Variants in PLEKHA2 observed in about 807,000 individuals in gnomAD.
The protein encoded by PLEKHA2 is pleckstrin homology domain containing A2, also known as pleckstrin homology domain-containing family A member 2.
A neutral mutation model predicts 53.2 loss-of-function variants in PLEKHA2; 28 were observed. The observed-to-expected ratio is 0.53, with a 90% confidence interval of 0.39 to 0.72. The LOEUF (loss-of-function observed/expected upper bound fraction) is 0.72. PLEKHA2 is among the 30% of genes least tolerant of loss of function. PLEKHA2 has a pLI of 0.00. For missense variants in PLEKHA2, 426 were observed against 537.9 expected, an observed-to-expected ratio of 0.79 and a Z score of 2.06; for synonymous variants, 193 against 196.4, an observed-to-expected ratio of 0.98 and a Z score of 0.14.
At chr8:38,947,884 C>T (rs910334413) in intron 5 of PLEKHA2, among the ~76,000 whole-genome samples, 3 of 151,822 alleles carry the variant, frequency 2.0e-5, no homozygotes, top group Non-Finnish European at 2.9e-5. Context: ...GTCAGGAGTT[C>T]GAGACCAGCC....
chr8:38,940,723 C>T (rs1426861842), intron 3 of PLEKHA2, among the ~76,000 whole-genome samples: 2 of 151,164 alleles, frequency 1.3e-5, no homozygotes, highest in East Asian at 1.9e-4. Context: ...GAGCCACCAG[C>T]GTCCTCTTAC....
chr8:38,906,657 CAGTTTCAAA>C (rs1407611880), intron 1 of PLEKHA2, among the ~76,000 whole-genome samples: 2 of 152,226 alleles, frequency 1.3e-5, no homozygotes, highest in African/African-American at 4.8e-5. Flanking sequence ...GCTATCATGA[CAGTTTCAAA>C]ATGCGGCCAT....
At chr8:38,953,191 C>A in intron 8 of PLEKHA2, 106 bp from the exon 9 acceptor site, 2 of 926,022 alleles carry the variant, frequency 2.2e-6, no homozygotes, top group Non-Finnish European at 3.5e-6. Context: ...ATTTGTCAAC[C>A]TGATTTTAGC....
At chr8:38,950,460 C>G (rs900467759) in intron 5 of PLEKHA2, 1 of 166,400 alleles carries the variant, frequency 6.0e-6, no homozygotes, top group African/African-American at 2.4e-5. Context: ...TCTTGATCTT[C>G]TTTGTGCCAC....
At chr8:38,946,302 CTG>C (rs1834713829) in intron 5 of PLEKHA2, 81 bp downstream of exon 5, 3 of 1,241,994 alleles carry the variant, frequency 2.4e-6, no homozygotes, top group Non-Finnish European at 3.5e-6. Context: ...TTGGGGAAAA[CTG>C]AGATGGCAGC....
intron 3 of PLEKHA2, among the ~76,000 whole-genome samples, chr8:38,936,625 C>A (rs1834499464): frequency 6.6e-6 from 1 of 152,236 alleles, no homozygotes; most frequent in Admixed American, 6.5e-5. Context: ...CCACCCCCGT[C>A]CCATTTGTAC....
chr8:38,905,246 C>G (rs1182143838), intron 1 of PLEKHA2, among the ~76,000 whole-genome samples: 1 of 152,012 alleles, frequency 6.6e-6, no homozygotes, highest in Non-Finnish European at 1.5e-5. Context: ...TCACTTGAGG[C>G]TAAGAGTTTA....
chr8:38,936,804 G>A (rs1051241477), intron 3 of PLEKHA2, among the ~76,000 whole-genome samples: 1 of 152,232 alleles, frequency 6.6e-6, no homozygotes, highest in Admixed American at 6.5e-5. Context: ...GAGATTTAGA[G>A]CCTCCCCAGG....
At chr8:38,904,160 C>T (rs1054192295) in intron 1 of PLEKHA2, among the ~76,000 whole-genome samples, 5 of 152,106 alleles carry the variant, frequency 3.3e-5, no homozygotes, top group Non-Finnish European at 7.4e-5. Context: ...TAGAGGAGGC[C>T]GGGGGTTGGT....
chr8:38,969,667 G>A lies in PLEKHA2; in HGVS notation c.1162G>A (p.Ala388Thr), dbSNP rs1430973973. The A allele has an allele frequency of 1.1e-5, 17 of 1,588,590 alleles. No individual in the cohort carries two copies. Among genetic ancestry groups the A allele is most frequent in the Admixed American group, 5.4e-5 (3 of 55,910 alleles). Residue 388 changes from alanine (A) to threonine (T), a missense_variant, in exon 12 of 12, where the codon GCT becomes ACT. Physicochemically the swap from Ala to Thr is moderately conservative, Grantham distance 58. Coordinates refer to ENST00000617275, the MANE Select transcript of PLEKHA2 (RefSeq NM_021623.2). ...CACGCCTCGTCCTGGGGAGGGCAGCGCTCCTGGGGTGCTGCCCAGCTCCCG... is the reference window on the plus strand; with the variant it reads ...CACGCCTCGTCCTGGGGAGGGCAGCACTCCTGGGGTGCTGCCCAGCTCCCG... The part of the protein sequence containing the change: ...LFTPRPGEGS[A>T]PGVLPSSRIR...
intron 3 of PLEKHA2, among the ~76,000 whole-genome samples, chr8:38,942,768 A>T (rs1212015542): frequency 6.6e-6 from 1 of 152,194 alleles, no homozygotes; most frequent in Non-Finnish European, 1.5e-5. Flanking sequence ...ATGAGAGTTC[A>T]CATATGCAGA....
intron 1 of PLEKHA2, among the ~76,000 whole-genome samples, chr8:38,906,575 CT>C (rs1180039494): frequency 6.6e-6 from 1 of 152,220 alleles, no homozygotes; most frequent in East Asian, 1.9e-4. Flanking sequence ...CCTGCACTTC[CT>C]CTGGGAACTT....
intron 1 of PLEKHA2, among the ~76,000 whole-genome samples, chr8:38,905,229 G>T (rs1001691719): frequency 2.0e-5 from 3 of 152,068 alleles, no homozygotes; most frequent in Admixed American, 6.6e-5. Flanking sequence ...GGCTGAGGTG[G>T]GGGGGATCAC....
chr8:38,945,989 A>G, intron 4 of PLEKHA2, 135 bp from the exon 5 acceptor site: 2 of 671,976 alleles, frequency 3.0e-6, no homozygotes, highest in South Asian at 1.9e-5. Context: ...ACTTAGCATC[A>G]TGGGAGATTT....
chr8:38,929,168 C>G (rs953364824), intron 2 of PLEKHA2, among the ~76,000 whole-genome samples: 1 of 152,230 alleles, frequency 6.6e-6, no homozygotes, highest in Non-Finnish European at 1.5e-5. Context: ...TGCCCTAGCT[C>G]TGGGATTACC....
intron 9 of PLEKHA2, among the ~76,000 whole-genome samples, chr8:38,953,670 G>T (rs1298414784): frequency 6.6e-6 from 1 of 152,202 alleles, no homozygotes; most frequent in Non-Finnish European, 1.5e-5. Context: ...AGCTTCTCAG[G>T]TGTTAGGATT....
intron 1 of PLEKHA2, chr8:38,902,216 G>C (rs1833798615): frequency 7.8e-6 from 1 of 129,016 alleles, no homozygotes; most frequent in Admixed American, 7.6e-5. Flanking sequence ...AGAAAAGAAG[G>C]GTGTGGGGGG....
In PLEKHA2 at chr8:38,943,537, C is replaced by T. The variant is rs576587537; in HGVS notation, c.199-252C>T. Among the ~76,000 whole-genome samples, 11 of 152,088 alleles carry T rather than the reference C, an allele frequency of 7.2e-5. No individual in the cohort carries two copies. In the South Asian group the frequency reaches 2.3e-3, roughly 32 times the overall value. ...AAGTCTTTTTGTAAAGATGAACAGA[C>T]CTCAAGATAATGGTTATCTCTGACG... On this transcript the variant is annotated intron_variant, in intron 3 of 11. Coordinates refer to ENST00000617275, the MANE Select transcript of PLEKHA2 (RefSeq NM_021623.2).
At position 38,949,189 on chromosome 8, in the gene PLEKHA2, C is replaced by G. The variant is rs192288123; in HGVS notation, c.346-1661C>G. Among the ~76,000 whole-genome samples the G allele has an allele frequency of 3.3e-5, 5 of 152,070 alleles. No individual in the cohort carries two copies. In the South Asian group the frequency reaches 1.0e-3, roughly 32 times the overall value. ...CCTGGCCGACATTCAGCTGTTAATC[C>G]TGGCTTTGGGTAAATGACTCAACTG... On this transcript the variant is annotated intron_variant, in intron 5 of 11. Coordinates refer to ENST00000617275, the MANE Select transcript of PLEKHA2 (RefSeq NM_021623.2).
Sources: allele counts gnomAD v4.1 joint callset (sites outside exome capture counted in the v4.1 genomes callset), GRCh38; gene constraint gnomAD v4.1.1; transcripts MANE v1.5; gene names NCBI Gene and HGNC (gene_info 2026-07-23, HGNC 2026-07-21).